ACYP2: variants seen among roughly 807,000 people sequenced by gnomAD.
The protein encoded by ACYP2 is acylphosphatase 2, also known as acylphosphatase-2.
In ACYP2, 12 loss-of-function variants were observed where a neutral mutation model predicts 11.2. The ratio of observed to expected loss-of-function variants is 1.08; its 90% CI spans 0.69 to 1.74. The LOEUF is 1.74. Among genes scored for constraint, ACYP2 ranks in the 40% most tolerant of loss-of-function variants. The probability of loss-of-function intolerance (pLI) is 0.00; values close to 1 mark genes in which losing one functional copy is unlikely to be tolerated. For missense variants in ACYP2, 134 were observed against 101.9 expected, an observed-to-expected ratio of 1.31 and a Z score of -1.35; for synonymous variants, 43 against 32.2, an observed-to-expected ratio of 1.33 and a Z score of -1.13.
chr2:54,247,777 G>C (rs1356372760), intron 6 of ACYP2, among the ~76,000 whole-genome samples: 1 of 152,144 alleles, frequency 6.6e-6, no homozygotes, highest in Non-Finnish European at 1.5e-5. Context: ...TAGTATTTCT[G>C]TCCATATGTA....
chr2:54,030,955 T>A (rs531638459), intron 2 of ACYP2, among the ~76,000 whole-genome samples: 1 of 152,222 alleles, frequency 6.6e-6, no homozygotes, highest in African/African-American at 2.4e-5. Flanking sequence ...ATTGTGTGTG[T>A]GACAGTGACC....
intron 6 of ACYP2, among the ~76,000 whole-genome samples, chr2:54,289,531 T>C (rs1689214912): frequency 1.3e-5 from 2 of 152,054 alleles, no homozygotes; most frequent in South Asian, 4.1e-4. Flanking sequence ...TTTTGTTCTA[T>C]ATTTTTGTTA....
At chr2:53,976,772 T>C (rs1228511504) in intron 2 of ACYP2, among the ~76,000 whole-genome samples, 2 of 152,236 alleles carry the variant, frequency 1.3e-5, no homozygotes, top group African/African-American at 4.8e-5. Flanking sequence ...CTAGAGTATA[T>C]GTGGAGTTCA....
At chr2:54,074,284 A>G (rs141537101) in intron 4 of ACYP2, among the ~76,000 whole-genome samples, 5 of 152,186 alleles carry the variant, frequency 3.3e-5, no homozygotes, top group South Asian at 2.1e-4. Flanking sequence ...ATTCAAGGTT[A>G]TAATGAGCTA....
chr2:54,195,638 CA>C (rs776374582), intron 6 of ACYP2, among the ~76,000 whole-genome samples: 64 of 82,942 alleles, frequency 7.7e-4, no homozygotes, highest in Admixed American at 1.0e-3. Context: ...TGGCCAAAGG[CA>C]AAAAAAAAAA....
chr2:54,179,655 T>C (rs1315766849), intron 6 of ACYP2, among the ~76,000 whole-genome samples: 1 of 152,178 alleles, frequency 6.6e-6, no homozygotes, highest in Admixed American at 6.5e-5. Context: ...GTCATGGTGC[T>C]GGTGGGAGTG....
chr2:54,189,467 A>C (rs1684144369), intron 6 of ACYP2, among the ~76,000 whole-genome samples: 1 of 152,206 alleles, frequency 6.6e-6, no homozygotes, highest in Non-Finnish European at 1.5e-5. Context: ...CTCCAGGTTC[A>C]TCCATGTTGT....
intron 2 of ACYP2, among the ~76,000 whole-genome samples, chr2:53,997,626 A>T (rs1672637367): frequency 6.6e-6 from 1 of 151,862 alleles, no homozygotes. Flanking sequence ...TTCTTTTAGT[A>T]CTCAAGTTTT....
At chr2:54,131,896 G>C (rs771223767) in intron 4 of ACYP2, among the ~76,000 whole-genome samples, 3 of 152,276 alleles carry the variant, frequency 2.0e-5, no homozygotes, top group African/African-American at 4.8e-5. Context: ...GTTCCTTGGA[G>C]GAGGGGCCCA....
chr2:54,124,088 A>T (rs1680318098), intron 4 of ACYP2, among the ~76,000 whole-genome samples: 1 of 152,252 alleles, frequency 6.6e-6, no homozygotes, highest in South Asian at 2.1e-4. Context: ...TAGTGACACA[A>T]AAGGACACAT....
intron 6 of ACYP2, among the ~76,000 whole-genome samples, chr2:54,243,895 T>C (rs996434471): frequency 6.6e-6 from 1 of 151,932 alleles, no homozygotes; most frequent in African/African-American, 2.4e-5. Flanking sequence ...TGTTATGCTG[T>C]GTGTGTGACT....
At chr2:54,243,642 T>G (rs10193885) in intron 6 of ACYP2, among the ~76,000 whole-genome samples, 2,051 of 152,228 alleles carry the variant, frequency 0.013, 54 homozygotes, top group African/African-American at 0.047. Flanking sequence ...CAATCTCAGC[T>G]CACTGCAACC....
intron 4 of ACYP2, among the ~76,000 whole-genome samples, chr2:54,102,204 A>G (rs1273952128): frequency 1.3e-5 from 2 of 152,220 alleles, no homozygotes; most frequent in Non-Finnish European, 2.9e-5. Flanking sequence ...ATCATCAATA[A>G]CACTGGGTAT....
chr2:54,189,944 C>T lies in ACYP2; in HGVS notation c.404+51196C>T, dbSNP rs2103884614. Reference sequence around the variant, plus strand: ...CACAGCAGCTTTGACTTGTGTTTCCCCAATGATTAGTGATATTGAGCATCT... The same window carrying T: ...CACAGCAGCTTTGACTTGTGTTTCCTCAATGATTAGTGATATTGAGCATCT... On this transcript the variant is annotated intron_variant, in intron 6 of 6. Transcript: ENST00000607452. 2.0e-5 allele frequency among the ~76,000 whole-genome samples: 3 copies of T among 152,186 alleles called. No homozygotes were observed. In the Middle Eastern group the frequency reaches 0.01, roughly 518 times the overall value.
chr2:54,147,946 AG>A (rs1197537371), intron 6 of ACYP2, among the ~76,000 whole-genome samples: 1 of 152,180 alleles, frequency 6.6e-6, no homozygotes, highest in East Asian at 1.9e-4. Context: ...ATATAAAAAA[AG>A]GGTTCATTTT....
intron 2 of ACYP2, among the ~76,000 whole-genome samples, chr2:54,036,852 T>C (rs887877990): frequency 6.6e-6 from 1 of 152,128 alleles, no homozygotes; most frequent in African/African-American, 2.4e-5. Context: ...TCCTGAAAAC[T>C]GGACACCCAA....
chr2:54,132,673 A>G (rs1572829411), intron 4 of ACYP2, among the ~76,000 whole-genome samples: 1 of 151,680 alleles, frequency 6.6e-6, no homozygotes. Flanking sequence ...TTTTTTCCCA[A>G]TGTATTATTT....
chr2:54,096,565 C>T (rs1028012230), intron 4 of ACYP2, among the ~76,000 whole-genome samples: 1 of 152,190 alleles, frequency 6.6e-6, no homozygotes, highest in Non-Finnish European at 1.5e-5. Context: ...GTGAACCAGA[C>T]TCCATCTGCA....
At chr2:54,180,908 C>A (rs1054423304) in intron 6 of ACYP2, among the ~76,000 whole-genome samples, 1 of 152,138 alleles carries the variant, frequency 6.6e-6, no homozygotes, top group African/African-American at 2.4e-5. Context: ...GAAGGCTCAG[C>A]CCTCACAACC....
Sources: allele counts gnomAD v4.1 joint callset (sites outside exome capture counted in the v4.1 genomes callset), GRCh38; gene constraint gnomAD v4.1.1; transcripts MANE v1.5; gene names NCBI Gene and HGNC (gene_info 2026-07-23, HGNC 2026-07-21).